The following GGNBP2 variants were observed in gnomAD, a reference collection of about 807,000 sequenced individuals.
GGNBP2 encodes gametogenetin binding protein 2, also known as gametogenetin-binding protein 2.
GGNBP2 carries 10 observed loss-of-function variants against 85.9 expected under a neutral mutation model. The ratio of observed to expected loss-of-function variants is 0.12; its 90% CI spans 0.07 to 0.20. GGNBP2 has a LOEUF of 0.20. Among genes scored for constraint, GGNBP2 ranks in the 10% least tolerant of loss-of-function variants. The pLI, the probability that GGNBP2 is intolerant of heterozygous loss-of-function variation, is 1.00. For synonymous variants in GGNBP2, 287 were observed against 285.7 expected (o/e 1.00, Z -0.05); for missense variants, 595 against 857.8 (o/e 0.69, Z 3.83).
chr17:36,545,964 T>A, intron 2 of GGNBP2, 147 bp downstream of exon 2: 1 of 600,544 alleles, frequency 1.7e-6, no homozygotes, highest in Non-Finnish European at 3.0e-6. Context: ...CCCCACAAAC[T>A]CGCCTTTGCA....
intron 6 of GGNBP2, chr17:36,576,671 G>GTGTATA (rs1555607832): frequency 7.8e-6 from 1 of 127,948 alleles, no homozygotes; most frequent in African/African-American, 3.0e-5. Flanking sequence ...ATATATATGT[G>GTGTATA]TATATATATA....
intron 2 of GGNBP2, among the ~76,000 whole-genome samples, chr17:36,548,352 C>T (rs1319198708): frequency 4.6e-5 from 7 of 152,040 alleles, no homozygotes; most frequent in Middle Eastern, 3.4e-3. Context: ...TGGTGGCTCA[C>T]GCTTGTAATC....
chr17:36,549,178 T>G (rs542842388), intron 2 of GGNBP2, among the ~76,000 whole-genome samples: 2 of 152,292 alleles, frequency 1.3e-5, no homozygotes, highest in South Asian at 4.1e-4. Flanking sequence ...GAATACATAT[T>G]TGATTTTAGA....
Position 36,567,725 on chromosome 17 carries a change from T to C in GGNBP2, c.590T>C (p.Ile197Thr). The C allele has an allele frequency of 6.2e-7, 1 of 1,610,168 alleles. No individual in the cohort carries two copies. The change falls in exon 6 of 14, where the codon ATT becomes ACT. Residue 197 changes from isoleucine to threonine, a missense_variant. Ile to Thr is a moderately conservative substitution (Grantham distance 89). Transcript: ENST00000613102. ...GAATGCAGGGATGAAGTAGTTTTAA[T>C]TGACTCGAGTTGTCTTTTAGAAACA... is the stretch of plus-strand genomic sequence containing the variant. ...SQECRDEVVL[I>T]DSSCLLETLE... is the part of the protein sequence containing the mutation.
chr17:36,585,214 G>T, intron 9 of GGNBP2, 86 bp from the exon 10 acceptor site: 1 of 1,129,078 alleles, frequency 8.9e-7, no homozygotes, highest in South Asian at 1.4e-5. Context: ...CTTACTATTA[G>T]GATGAAAATA....
At chr17:36,553,361 C>T (rs1432772217) in intron 2 of GGNBP2, among the ~76,000 whole-genome samples, 1 of 152,086 alleles carries the variant, frequency 6.6e-6, no homozygotes, top group Non-Finnish European at 1.5e-5. Context: ...ATCTCATATT[C>T]CTCCGTTATC....
rs1410066246 is a variant in GGNBP2 at position 36,545,745 on chromosome 17, G to A, written c.21G>A (p.Val7=). Residue 7 remains valine (V), a synonymous_variant, in exon 2 of 14, where the codon GTG becomes GTA. Coordinates refer to ENST00000613102, the MANE Select transcript of GGNBP2 (RefSeq NM_024835.5). MARLVA[V]CRDGEEEFPF... is the part of the protein sequence containing the mutation. ...GGACGATGGCGCGACTCGTGGCAGTGTGCAGGGACGGGGAGGAGGAGTTCC... is the reference window on the plus strand; with the variant it reads ...GGACGATGGCGCGACTCGTGGCAGTATGCAGGGACGGGGAGGAGGAGTTCC... 1.3e-6 allele frequency: 2 copies of A among 1,580,232 alleles called. No individual in the cohort carries two copies. The highest frequency in any genetic ancestry group is 1.8e-5 in the Admixed American group (1 of 55,118).
chr17:36,573,779 T>C (rs546084599), intron 6 of GGNBP2, among the ~76,000 whole-genome samples: 1 of 152,340 alleles, frequency 6.6e-6, no homozygotes, highest in South Asian at 2.1e-4. Context: ...TGATGATTAG[T>C]GATGTTGAGC....
Position 36,587,225 on chromosome 17 carries a change from A to G in GGNBP2, c.1870A>G (p.Lys624Glu). 1.2e-6 allele frequency: 2 copies of G among 1,614,186 alleles called. No individual in the cohort carries two copies. The highest frequency in any genetic ancestry group is 1.7e-6 in the Non-Finnish European group (2 of 1,180,028). ...LFGPDSGKGA[K>E]SLVELLDESE... ...TGGTCCCGATTCCGGAAAAGGTGCC[A>G]AGAGCTTAGTTGAACTCCTTGTAAG... The change falls in exon 13 of 14, where the codon AAG becomes GAG. Residue 624 changes from lysine (K) to glutamate (E), a missense_variant. Lys to Glu is a moderately conservative substitution (Grantham distance 56). Coordinates refer to ENST00000613102, the MANE Select transcript of GGNBP2 (RefSeq NM_024835.5).
At chr17:36,561,647 T>C (rs992013030) in intron 5 of GGNBP2, among the ~76,000 whole-genome samples, 2 of 151,674 alleles carry the variant, frequency 1.3e-5, no homozygotes, top group African/African-American at 4.8e-5. Context: ...TTTTTTGAGA[T>C]GGAGTCTCCT....
At chr17:36,547,950 A>C (rs1394969924) in intron 2 of GGNBP2, among the ~76,000 whole-genome samples, 1 of 152,230 alleles carries the variant, frequency 6.6e-6, no homozygotes, top group Non-Finnish European at 1.5e-5. Flanking sequence ...TACTACTGAA[A>C]GGGAGAATGC....
At chr17:36,547,103 G>C (rs1320501540) in intron 2 of GGNBP2, 2 of 152,166 alleles carry the variant, frequency 1.3e-5, no homozygotes, top group African/African-American at 4.8e-5. Flanking sequence ...AAATAGTGTT[G>C]ATGCATTAGA....
At chr17:36,574,795 G>GC in intron 6 of GGNBP2, 1 of 654,772 alleles carries the variant, frequency 1.5e-6, no homozygotes, top group South Asian at 1.7e-5. Flanking sequence ...CTGTCGGCTT[G>GC]CAAGGGATGG....
At chr17:36,568,885 A>G (rs919288944) in intron 6 of GGNBP2, among the ~76,000 whole-genome samples, 2 of 151,788 alleles carry the variant, frequency 1.3e-5, no homozygotes, top group Admixed American at 6.6e-5. Flanking sequence ...CCTCCCAAGT[A>G]GCTGGGATTA....
At chr17:36,585,565 C>G in intron 10 of GGNBP2, 115 bp downstream of exon 10, 1 of 724,918 alleles carries the variant, frequency 1.4e-6, no homozygotes. Context: ...TTTATAGTTC[C>G]AAGAATATCA....
intron 6 of GGNBP2, among the ~76,000 whole-genome samples, chr17:36,571,480 T>C (rs1469976734): frequency 6.8e-6 from 1 of 147,734 alleles, no homozygotes; most frequent in Non-Finnish European, 1.5e-5. Flanking sequence ...ACCTGAGAGG[T>C]GGAGGTTGCG....
chr17:36,586,134 A>T lies in GGNBP2; in HGVS notation c.1577A>T (p.Asn526Ile). The change falls in exon 12 of 14, where the codon AAC becomes ATC. Residue 526 changes from asparagine (N) to isoleucine (I), a missense_variant. By Grantham distance (149) the Asn-to-Ile change is moderately radical. Transcript: ENST00000613102. ...CVECWANSEENDTKGKNKKKK... is the reference protein window; with the variant it reads ...CVECWANSEEIDTKGKNKKKK... ...GAATGTTGGGCAAATTCTGAAGAGAACGACACAAAAGGAAAAAATAAAAAG... is the reference window on the plus strand; with the variant it reads ...GAATGTTGGGCAAATTCTGAAGAGATCGACACAAAAGGAAAAAATAAAAAG... 6.2e-7 allele frequency: 1 copy of T among 1,614,178 alleles called. No homozygotes were observed. Among genetic ancestry groups the T allele is most frequent in the Non-Finnish European group, 8.5e-7 (1 of 1,180,006 alleles).
intron 4 of GGNBP2, 99 bp downstream of exon 4, chr17:36,557,435 T>C: frequency 3.9e-6 from 4 of 1,017,536 alleles, no homozygotes; most frequent in Non-Finnish European, 5.8e-6. Context: ...TGAGTCTGAT[T>C]TAATAATTTT....
At chr17:36,575,629 TATATATATATATATATA>T (rs1199187666) in intron 6 of GGNBP2, among the ~76,000 whole-genome samples, 33 of 42,914 alleles carry the variant, frequency 7.7e-4, no homozygotes, top group African/African-American at 2.8e-3. Flanking sequence ...TATATATATA[TATATATATATATATATA>T]TATTTTTTTT....
Sources: allele counts gnomAD v4.1 joint callset (sites outside exome capture counted in the v4.1 genomes callset), GRCh38; gene constraint gnomAD v4.1.1; transcripts MANE v1.5; gene names NCBI Gene and HGNC (gene_info 2026-07-23, HGNC 2026-07-21).